SRGAP3: variants seen among roughly 807,000 people sequenced by gnomAD.
SRGAP3 encodes the protein SLIT-ROBO Rho GTPase-activating protein 3.
A neutral mutation model predicts 121.1 loss-of-function variants in SRGAP3; 39 were observed. The ratio of observed to expected loss-of-function variants is 0.32; its 90% confidence interval spans 0.25 to 0.42. The LOEUF is 0.42. Ranked by LOEUF, SRGAP3 falls within the 10% of genes least tolerant of loss-of-function variation. SRGAP3 has a pLI of 1.00. For missense variants in SRGAP3, 1,213 were observed against 1,470.6 expected (o/e 0.82, Z 2.86); for synonymous variants, 601 against 570.0 (o/e 1.05, Z -0.77).
At position 9,198,803 on chromosome 3, in the gene SRGAP3, T is replaced by A. The variant is rs1403951824; in HGVS notation, c.67+50082A>T. ...GGACTGTCCTTTCTTCTAAAGGGCA[T>A]TCACATGTAAAACAGGCCCAGGCAC... On this transcript the variant is annotated intron_variant, in intron 1 of 21. Coordinates refer to ENST00000383836, the MANE Select transcript of SRGAP3 (RefSeq NM_014850.4). 1.3e-5 allele frequency among the ~76,000 whole-genome samples: 2 copies of A among 152,130 alleles called. 1 individual carries two copies. Among genetic ancestry groups the A allele is most frequent in the Non-Finnish European group, 2.9e-5 (2 of 68,026 alleles).
chr3:9,094,957 TC>T (rs1947909238), intron 3 of SRGAP3, among the ~76,000 whole-genome samples: 1 of 151,922 alleles, frequency 6.6e-6, no homozygotes, highest in African/African-American at 2.4e-5. Flanking sequence ...AGTTGGGGTC[TC>T]CCTATATTGC....
chr3:9,139,975 G>C (rs1949792334), intron 1 of SRGAP3, among the ~76,000 whole-genome samples: 1 of 152,176 alleles, frequency 6.6e-6, no homozygotes, highest in African/African-American at 2.4e-5. Flanking sequence ...GTCTGTGTTA[G>C]AGGGCAGCAA....
chr3:9,148,025 T>TG (rs1422112702), intron 1 of SRGAP3, among the ~76,000 whole-genome samples: 1 of 152,186 alleles, frequency 6.6e-6, no homozygotes, highest in African/African-American at 2.4e-5. Flanking sequence ...GCTGTTTTGT[T>TG]GGTTTTCTTC....
chr3:9,327,622 A>T (rs149809561), intron 2 of SRGAP3, among the ~76,000 whole-genome samples: 3,101 of 152,328 alleles, frequency 0.02, 63 homozygotes, highest in Middle Eastern at 0.058. Flanking sequence ...CCAGACAGAA[A>T]TGCAGATAAG....
At chr3:9,137,632 C>G (rs1949713444) in intron 1 of SRGAP3, among the ~76,000 whole-genome samples, 1 of 152,188 alleles carries the variant, frequency 6.6e-6, no homozygotes, top group African/African-American at 2.4e-5. Flanking sequence ...AAAGGAGTCC[C>G]ACTTCCCACA....
intron 3 of SRGAP3, among the ~76,000 whole-genome samples, chr3:9,277,841 C>T (rs1016889825): frequency 1.3e-5 from 2 of 152,060 alleles, no homozygotes; most frequent in Admixed American, 6.6e-5. Flanking sequence ...ATGTTGAAAT[C>T]CCAACACTCC....
chr3:9,144,843 G>A (rs769183595), intron 1 of SRGAP3, among the ~76,000 whole-genome samples: 5 of 152,182 alleles, frequency 3.3e-5, no homozygotes, highest in Admixed American at 6.5e-5. Flanking sequence ...GTATACTCAC[G>A]TTTGGGGAAA....
intron 5 of SRGAP3, 69 bp from the exon 6 acceptor site, chr3:9,060,428 CTTTT>C (rs59248524): frequency 2.7e-4 from 312 of 1,175,634 alleles, no homozygotes; most frequent in East Asian, 4.2e-4. Flanking sequence ...TTTTCTATTC[CTTTT>C]TTTTTTTTTT....
At chr3:9,250,664 CTG>C (rs1953989296), upstream of SRGAP3, among the ~76,000 whole-genome samples, 1 of 152,168 alleles carries the variant, frequency 6.6e-6, no homozygotes, top group Non-Finnish European at 1.5e-5. Context: ...ACAGTAGCAA[CTG>C]TTATTACCCT....
At chr3:9,030,153 A>AAATAATG (rs925931911) in intron 12 of SRGAP3, among the ~76,000 whole-genome samples, 1 of 148,246 alleles carries the variant, frequency 6.7e-6, no homozygotes, top group African/African-American at 2.6e-5. Flanking sequence ...CTGCCTCAAT[A>AAATAATG]AATGAATGAA....
intron 1 of SRGAP3, among the ~76,000 whole-genome samples, chr3:9,225,495 C>T (rs1952955328): frequency 6.6e-6 from 1 of 152,164 alleles, no homozygotes; most frequent in South Asian, 2.1e-4. Context: ...TACAATAGAA[C>T]AGCTGGGGGT....
At chr3:9,330,045 C>A (rs1202865394) in intron 2 of SRGAP3, among the ~76,000 whole-genome samples, 1 of 152,168 alleles carries the variant, frequency 6.6e-6, no homozygotes, top group Non-Finnish European at 1.5e-5. Flanking sequence ...GACTTCGCTG[C>A]CTCCCAGGCC....
intron 3 of SRGAP3, among the ~76,000 whole-genome samples, chr3:9,286,749 C>T (rs35247831): frequency 0.1 from 13,891 of 138,420 alleles, 968 homozygotes; most frequent in Non-Finnish European, 0.14. Context: ...ACTACAGGCG[C>T]CCGCCACCAC....
At chr3:9,001,007 T>C (rs541420) in intron 18 of SRGAP3, among the ~76,000 whole-genome samples, 83,163 of 152,048 alleles carry the variant, frequency 0.55, 22,948 homozygotes, top group South Asian at 0.67. Context: ...AAGATGTATA[T>C]GGTAAACCTT....
Position 9,211,930 on chromosome 3 carries a change from T to C in SRGAP3, c.67+36955A>G, listed in dbSNP as rs113941448. 2.2e-3 allele frequency among the ~76,000 whole-genome samples: 329 copies of C among 152,106 alleles called. 1 individual carries two copies. The highest frequency in any genetic ancestry group is 4.0e-3 in the Admixed American group (61 of 15,274). On this transcript the variant is annotated intron_variant, in intron 1 of 21. Coordinates refer to ENST00000383836, the MANE Select transcript of SRGAP3 (RefSeq NM_014850.4). ...GCCTCAAGTGATTTTCCTACCTCAG[T>C]CTCCCCAAGTGCTGAGATTATAGGT...
chr3:9,245,749 C>A (rs1953795059), intron 1 of SRGAP3, among the ~76,000 whole-genome samples: 1 of 152,064 alleles, frequency 6.6e-6, no homozygotes, highest in Admixed American at 6.6e-5. Flanking sequence ...CATGGTGAAA[C>A]CCCGTCTCTA....
chr3:9,249,676 C>A (rs1242228089), upstream of SRGAP3: 2 of 233,070 alleles, frequency 8.6e-6, no homozygotes, highest in African/African-American at 2.2e-5. Flanking sequence ...CTGAGCTCTC[C>A]CCCACTGCTC....
intron 1 of SRGAP3, among the ~76,000 whole-genome samples, chr3:9,340,331 A>G (rs1333178952): frequency 6.6e-6 from 1 of 152,216 alleles, no homozygotes; most frequent in East Asian, 1.9e-4. Context: ...AGAGCAGGCC[A>G]GATGGAAAAC....
At chr3:9,334,092 T>C (rs1298383237) in intron 1 of SRGAP3, among the ~76,000 whole-genome samples, 1 of 152,088 alleles carries the variant, frequency 6.6e-6, no homozygotes, top group Non-Finnish European at 1.5e-5. Context: ...ATATTAACAA[T>C]AATACTTCAC....
Sources: allele counts gnomAD v4.1 joint callset (sites outside exome capture counted in the v4.1 genomes callset), GRCh38; gene constraint gnomAD v4.1.1; transcripts MANE v1.5; gene names NCBI Gene and HGNC (gene_info 2026-07-23, HGNC 2026-07-21).